PMF1: variants seen among roughly 807,000 people sequenced by gnomAD.
PMF1 encodes polyamine-modulated factor 1.
PMF1 carries 21 observed loss-of-function variants against 26.7 expected under a neutral mutation model. The ratio of observed to expected loss-of-function variants is 0.79; its 90% confidence interval spans 0.56 to 1.13. The LOEUF (loss-of-function observed/expected upper bound fraction) is 1.13. PMF1 is among the 50% of genes most tolerant of loss of function. The pLI is 0.00. For missense variants in PMF1, 266 were observed against 254.9 expected (o/e 1.04, Z -0.30); for synonymous variants, 105 against 101.0 (o/e 1.04, Z -0.24).
intron 4 of PMF1, among the ~76,000 whole-genome samples, chr1:156,238,357 G>A (rs558551442): frequency 6.6e-6 from 1 of 152,298 alleles, no homozygotes; most frequent in South Asian, 2.1e-4. Flanking sequence ...TGTCCTTTGA[G>A]GGCGAACTTA....
intron 4 of PMF1, 97 bp downstream of exon 4, chr1:156,236,580 C>A: frequency 6.8e-7 from 1 of 1,464,612 alleles, no homozygotes; most frequent in Non-Finnish European, 9.1e-7. Flanking sequence ...AGGGGACCCC[C>A]ACAGGGGGTA....
At chr1:156,228,256 A>AGTTTTTTTT in intron 1 of PMF1, among the ~76,000 whole-genome samples, 1 of 33,566 alleles carries the variant, frequency 3.0e-5, no homozygotes, top group East Asian at 8.9e-4. Flanking sequence ...GCACCTGGCG[A>AGTTTTTTTT]TTTTTTTTTT....
At chr1:156,238,882 G>GCCCC (rs35970509) in intron 4 of PMF1, among the ~76,000 whole-genome samples, 11 of 148,410 alleles carry the variant, frequency 7.4e-5, no homozygotes, top group African/African-American at 2.7e-4. Context: ...GGTGACAAAG[G>GCCCC]CCCCCCCCCC....
chr1:156,238,896 C>A (rs1469303529), intron 4 of PMF1, among the ~76,000 whole-genome samples: 2 of 150,092 alleles, frequency 1.3e-5, no homozygotes, highest in East Asian at 3.9e-4. Flanking sequence ...CCCCCCCAAG[C>A]CTGGTGCCAT....
chr1:156,228,256 A>AGTT, intron 1 of PMF1, among the ~76,000 whole-genome samples: 3 of 33,560 alleles, frequency 8.9e-5, no homozygotes, highest in South Asian at 2.7e-3. Context: ...GCACCTGGCG[A>AGTT]TTTTTTTTTT....
intron 1 of PMF1, 68 bp downstream of exon 1, chr1:156,213,244 C>A: frequency 6.3e-7 from 1 of 1,575,638 alleles, no homozygotes; most frequent in East Asian, 2.3e-5. Context: ...GAGGTCAGGA[C>A]GGCCGCAGGC....
At chr1:156,239,480 G>A in intron 4 of PMF1, 68 bp from the exon 5 acceptor site, 3 of 1,300,932 alleles carry the variant, frequency 2.3e-6, no homozygotes, top group Non-Finnish European at 3.3e-6. Context: ...TGGAGTCAGG[G>A]ACAGTGGAGG....
At position 156,220,112 on chromosome 1, in the gene PMF1, C is replaced by T. The variant is rs190750840; in HGVS notation, c.161+6936C>T. Among the ~76,000 whole-genome samples the T allele has an allele frequency of 4.9e-3, 747 of 152,080 alleles. 6 individuals are homozygous for T. The highest frequency in any genetic ancestry group is 0.017 in the African/African-American group (700 of 41,464). On this transcript the variant is annotated intron_variant, in intron 1 of 4. Transcript: ENST00000368277. ...CCGGGTAGCTGGGACTACAGGCACC[C>T]GCCACCACGCCCGGCTAATTTTTTT... is the stretch of plus-strand genomic sequence containing the variant.
chr1:156,221,588 A>G (rs1658085162), intron 1 of PMF1, among the ~76,000 whole-genome samples: 3 of 152,200 alleles, frequency 2.0e-5, no homozygotes, highest in Admixed American at 6.5e-5. Context: ...GGTGCCTGGT[A>G]TACAGGAGGC....
chr1:156,230,256 C>T (rs1271847381), intron 1 of PMF1, among the ~76,000 whole-genome samples: 9 of 152,254 alleles, frequency 5.9e-5, no homozygotes, highest in South Asian at 2.1e-4. Flanking sequence ...ATTTGAAGAT[C>T]TTCCTTGGTT....
intron 1 of PMF1, among the ~76,000 whole-genome samples, chr1:156,228,288 T>C (rs2758601): frequency 3.2e-4 from 46 of 143,876 alleles, no homozygotes; most frequent in Non-Finnish European, 6.2e-4. Context: ...TTTTTTTTTT[T>C]AGTGTATCAC....
At chr1:156,228,457 G>A (rs1431442219) in intron 1 of PMF1, among the ~76,000 whole-genome samples, 2 of 151,730 alleles carry the variant, frequency 1.3e-5, no homozygotes, top group Non-Finnish European at 1.5e-5. Flanking sequence ...AAGCCACATT[G>A]TCCTGTTAGC....
chr1:156,214,430 G>A (rs1187079333), intron 1 of PMF1, among the ~76,000 whole-genome samples: 3 of 152,090 alleles, frequency 2.0e-5, no homozygotes, highest in Admixed American at 6.6e-5. Context: ...CCTTTCCTAC[G>A]CATAATTAAT....
chr1:156,229,338 C>T (rs1050438059), intron 1 of PMF1, among the ~76,000 whole-genome samples: 28 of 151,904 alleles, frequency 1.8e-4, no homozygotes, highest in African/African-American at 6.5e-4. Flanking sequence ...AACCAGCTCT[C>T]TGAAAAGAGA....
chr1:156,228,657 T>A (rs1214412210), intron 1 of PMF1, among the ~76,000 whole-genome samples: 1 of 152,094 alleles, frequency 6.6e-6, no homozygotes, highest in Admixed American at 6.5e-5. Flanking sequence ...TGCGTCCAGC[T>A]CAGACCCTCC....
intron 4 of PMF1, chr1:156,237,392 T>C (rs1659082333): frequency 6.6e-6 from 1 of 152,106 alleles, no homozygotes; most frequent in South Asian, 2.1e-4. Flanking sequence ...TTCTACTCTT[T>C]ACCTTTATGA....
At position 156,233,739 on chromosome 1, in the gene PMF1, G is replaced by C; in HGVS notation, c.368+11G>C. On this transcript the variant is annotated intron_variant, in intron 3 of 4. Coordinates refer to ENST00000368277, the MANE Select transcript of PMF1 (RefSeq NM_007221.4). ...CAAAGAGCCAGCCTGGTGAGAGTGG[G>C]GTGGGGAGGTGAGAAGGTACAGGAA... 1 of 1,612,040 alleles carries C rather than the reference G, an allele frequency of 6.2e-7. No individual in the cohort carries two copies. The highest frequency in any genetic ancestry group is 8.5e-7 in the Non-Finnish European group (1 of 1,178,834).
rs1487645811 is a variant in PMF1 at position 156,232,428 on chromosome 1, G to T, written c.267+3G>T. On this transcript the variant is annotated splice_donor_region_variant and intron_variant, in intron 2 of 4. Coordinates refer to ENST00000368277, the MANE Select transcript of PMF1 (RefSeq NM_007221.4). ...CTCAGTTGCAGACATCTATCCGGGT[G>T]AGTGGCGGGAAGCCTGGCAGGTGCT... 2 of 1,613,636 alleles carry T rather than the reference G, an allele frequency of 1.2e-6. No homozygotes were observed. Among genetic ancestry groups the T allele is most frequent in the Non-Finnish European group, 8.5e-7 (1 of 1,179,620 alleles).
At chr1:156,235,122 A>T (rs1371364836) in intron 3 of PMF1, among the ~76,000 whole-genome samples, 3 of 147,236 alleles carry the variant, frequency 2.0e-5, no homozygotes, top group African/African-American at 7.5e-5. Context: ...CTGAAAAAGA[A>T]TTTTTTTTTT....
Sources: gnomAD v4.1 joint callset for allele counts (sites outside exome capture counted in the v4.1 genomes callset) on GRCh38, gnomAD v4.1.1 for gene constraint, MANE v1.5 for transcripts, NCBI Gene and HGNC (gene_info 2026-07-23, HGNC 2026-07-21) for gene names.